HTR3B: variants seen among roughly 807,000 people sequenced by gnomAD.
HTR3B encodes the protein 5-hydroxytryptamine receptor 3B, also known as 5-hydroxytryptamine (serotonin) receptor 3B, ionotropic.
A neutral mutation model predicts 42.8 loss-of-function variants in HTR3B; 44 were observed. That is an observed-to-expected ratio of 1.03 (90% CI 0.81 to 1.32). HTR3B has a LOEUF of 1.32. HTR3B is among the 40% of genes most tolerant of loss of function. HTR3B has a pLI of 0.00. For synonymous variants in HTR3B, 203 were observed against 209.0 expected (o/e 0.97, Z 0.25); for missense variants, 527 against 536.5 (o/e 0.98, Z 0.17).
At chr11:113,939,168 G>A (rs1950114161) in intron 6 of HTR3B, among the ~76,000 whole-genome samples, 1 of 152,138 alleles carries the variant, frequency 6.6e-6, no homozygotes, top group Non-Finnish European at 1.5e-5. Flanking sequence ...GGTTTTGGAA[G>A]GCCTATCTAG....
intron 2 of HTR3B, among the ~76,000 whole-genome samples, chr11:113,922,713 G>T (rs1281870385): frequency 1.3e-5 from 2 of 151,864 alleles, no homozygotes; most frequent in African/African-American, 4.8e-5. Flanking sequence ...CCGCCACTAC[G>T]CCCGGCTAAT....
At chr11:113,929,222 G>C (rs1482637396) in intron 2 of HTR3B, among the ~76,000 whole-genome samples, 1 of 152,212 alleles carries the variant, frequency 6.6e-6, no homozygotes, top group South Asian at 2.1e-4. Flanking sequence ...TAATGAGTGT[G>C]AGTTTGTATC....
In HTR3B at chr11:113,912,639, T is replaced by C. The variant is rs927680780; in HGVS notation, c.213+3184T>C. 5.9e-5 allele frequency among the ~76,000 whole-genome samples: 9 copies of C among 152,320 alleles called. No homozygotes were observed. The East Asian group carries it at 1.7e-3, about 29-fold the overall frequency. On this transcript the variant is annotated intron_variant, in intron 2 of 8. Transcript: ENST00000260191. ...ACTGCCATACTGATTTGCAAAGTGGTTGTGCATTTTACACTCCCACCAGTA... is the reference window on the plus strand; with the variant it reads ...ACTGCCATACTGATTTGCAAAGTGGCTGTGCATTTTACACTCCCACCAGTA...
At chr11:113,918,477 A>G (rs1949878772) in intron 2 of HTR3B, among the ~76,000 whole-genome samples, 1 of 152,044 alleles carries the variant, frequency 6.6e-6, no homozygotes, top group Non-Finnish European at 1.5e-5. Context: ...AGGCTATTTC[A>G]AGAATATTAT....
intron 2 of HTR3B, among the ~76,000 whole-genome samples, chr11:113,921,617 C>CA (rs765786534): frequency 0.042 from 3,975 of 95,454 alleles, 77 homozygotes; most frequent in African/African-American, 0.069. Flanking sequence ...GACTCCGTCT[C>CA]AAAAAAAAAA....
chr11:113,906,177 C>T (rs1361105923), intron 1 of HTR3B, among the ~76,000 whole-genome samples: 1 of 152,174 alleles, frequency 6.6e-6, no homozygotes. Context: ...ATAAATCATT[C>T]CGTGGATACT....
chr11:113,906,028 A>G (rs1432015439), intron 1 of HTR3B, among the ~76,000 whole-genome samples: 1 of 152,248 alleles, frequency 6.6e-6, no homozygotes, highest in Non-Finnish European at 1.5e-5. Context: ...TTAAACTAAG[A>G]TAAAATAGAA....
rs1354677300 is a variant in HTR3B at position 113,948,875 on chromosome 11, A to AAAG, written c.*2739_*2741dup. Among the ~76,000 whole-genome samples, 2 of 151,806 alleles carry AAAG rather than the reference A, an allele frequency of 1.3e-5. No homozygotes were observed. Among genetic ancestry groups the AAAG allele is most frequent in the African/African-American group, 4.8e-5 (2 of 41,328 alleles). ...CTAAACTCTATCTCAAAAAAAAAAA[A>AAAG]AAGTTTAAAGTGCTTTGGGAAGGGG... is the stretch of plus-strand genomic sequence containing the variant. On this transcript the variant is annotated 3_prime_UTR_variant, in exon 9 of 9. Transcript: ENST00000260191.
chr11:113,932,547 C>A, intron 5 of HTR3B, 89 bp downstream of exon 5: 1 of 1,129,376 alleles, frequency 8.9e-7, no homozygotes, highest in African/African-American at 1.6e-5. Flanking sequence ...TTTATTCTTG[C>A]AGATAATTGG....
chr11:113,935,266 A>G (rs1270776977), intron 6 of HTR3B, among the ~76,000 whole-genome samples: 2 of 151,948 alleles, frequency 1.3e-5, no homozygotes, highest in African/African-American at 2.4e-5. Flanking sequence ...TGCTCTCCTC[A>G]CTGCCATGCT....
upstream of HTR3B, among the ~76,000 whole-genome samples, chr11:113,901,962 C>A (rs1319971929): frequency 6.6e-6 from 1 of 152,130 alleles, no homozygotes; most frequent in Non-Finnish European, 1.5e-5. Context: ...TTTCTCTTGT[C>A]CTAATTCATC....
At position 113,944,731 on chromosome 11, in the gene HTR3B, A is replaced by G. The variant is rs933812650; in HGVS notation, c.1066A>G (p.Arg356Gly). Residue 356 changes from arginine to glycine, a missense_variant, in exon 8 of 9, where the codon AGG (arginine) becomes GGG (glycine). By Grantham distance (125) the Arg-to-Gly change is moderately radical (BLOSUM62 -2). Coordinates refer to ENST00000260191, the MANE Select transcript of HTR3B (RefSeq NM_006028.5). ...TDADRPRVEPRAQRAVVTESS... is the reference protein window; with the variant it reads ...TDADRPRVEPGAQRAVVTESS... ...TGCTGACAGGCCTAGAGTGGAACCC[A>G]GGGCCCAACGTGCTGTGGTAACAGG... 8.7e-6 allele frequency: 14 copies of G among 1,614,140 alleles called. No homozygotes were observed. The highest frequency in any genetic ancestry group is 1.2e-5 in the Non-Finnish European group (14 of 1,179,992).
intron 6 of HTR3B, among the ~76,000 whole-genome samples, chr11:113,933,815 T>C (rs1299005177): frequency 1.3e-5 from 2 of 152,304 alleles, no homozygotes; most frequent in East Asian, 3.9e-4. Flanking sequence ...TTTTGACACA[T>C]GGTCTGCAAC....
Position 113,925,737 on chromosome 11 carries a change from G to T in HTR3B, c.214-5647G>T, listed in dbSNP as rs796447589. 8.3e-4 allele frequency among the ~76,000 whole-genome samples: 126 copies of T among 151,696 alleles called. 1 individual carries two copies. The highest frequency in any genetic ancestry group is 2.8e-3 in the African/African-American group (117 of 41,410). The stretch of plus-strand genomic sequence containing the variant: ...TTTAGTGATGGATTATACATGGAAA[G>T]AAATGAAAAAAAATGAGTTCAAGGA... On this transcript the variant is annotated intron_variant, in intron 2 of 8. Transcript: ENST00000260191.
intron 6 of HTR3B, among the ~76,000 whole-genome samples, chr11:113,941,597 C>T (rs556412964): frequency 2.9e-4 from 44 of 152,242 alleles, no homozygotes; most frequent in African/African-American, 9.6e-4. Context: ...TGCATCTGTG[C>T]TCCTGGAGAC....
intron 2 of HTR3B, among the ~76,000 whole-genome samples, chr11:113,924,975 G>A (rs370631376): frequency 1.3e-5 from 2 of 152,124 alleles, no homozygotes; most frequent in East Asian, 3.9e-4. Flanking sequence ...AATGCTTATT[G>A]TTAGTAATTT....
At chr11:113,900,634 C>T (rs1167930162), upstream of HTR3B, among the ~76,000 whole-genome samples, 1 of 152,114 alleles carries the variant, frequency 6.6e-6, no homozygotes, top group Non-Finnish European at 1.5e-5. Context: ...GCTGGGATAA[C>T]AGGCATGGGC....
rs191052090 is a variant in HTR3B at position 113,908,927 on chromosome 11, G to C, written c.53-368G>C. On this transcript the variant is annotated intron_variant, in intron 1 of 8. Coordinates refer to ENST00000260191, the MANE Select transcript of HTR3B (RefSeq NM_006028.5). Reference sequence around the variant, plus strand: ...AAAGAAAAACCAACGCGGGAGTTAAGTTTTGGCTAAGTGTGTAGGTGGGTT... The same window carrying C: ...AAAGAAAAACCAACGCGGGAGTTAACTTTTGGCTAAGTGTGTAGGTGGGTT... 501 of 303,110 alleles carry C rather than the reference G, an allele frequency of 1.7e-3. 1 individual carries two copies. The highest frequency in any genetic ancestry group is 1.7e-3 in the Non-Finnish European group (285 of 167,490). 18.8% of individuals were successfully genotyped at this position (303,110 alleles called of 1,614,324 possible).
At chr11:113,942,217 A>C (rs1442092630) in intron 6 of HTR3B, among the ~76,000 whole-genome samples, 1 of 152,154 alleles carries the variant, frequency 6.6e-6, no homozygotes, top group Non-Finnish European at 1.5e-5. Flanking sequence ...CAGAGCTTGC[A>C]GTGAGCCGAG....
Sources: allele counts gnomAD v4.1 joint callset (sites outside exome capture counted in the v4.1 genomes callset), GRCh38; gene constraint gnomAD v4.1.1; transcripts MANE v1.5; gene names NCBI Gene and HGNC (gene_info 2026-07-23, HGNC 2026-07-21).